The following EFNA3 variants were observed in gnomAD, a reference collection of about 807,000 sequenced individuals.
EFNA3 encodes the protein ephrin A3.
A neutral mutation model predicts 25.0 loss-of-function variants in EFNA3; 15 were observed. The observed-to-expected ratio is 0.60, with a 90% CI of 0.40 to 0.92. The LOEUF (loss-of-function observed/expected upper bound fraction) is 0.92. Among genes scored for constraint, EFNA3 ranks in the 40% least tolerant of loss-of-function variants. EFNA3 has a pLI of 0.00. For missense variants in EFNA3, 298 were observed against 323.8 expected (o/e 0.92, Z 0.61); for synonymous variants, 153 against 145.6 (o/e 1.05, Z -0.37).
rs1403320405 is a variant in EFNA3, at chr1:155,080,350, G to T, written c.128+1281G>T. 6.6e-6 allele frequency among the ~76,000 whole-genome samples: 1 copy of T among 152,046 alleles called. No individual in the cohort carries two copies. The highest frequency in any genetic ancestry group is 2.4e-5 in the African/African-American group (1 of 41,418). ...CGCGCCTCCCCCTCTCTCCCTCCTC[G>T]CGCCCGGAGTGTCAGACTGGGGGTG... On this transcript the variant is annotated intron_variant, in intron 1 of 4. Transcript: ENST00000368408. This position sits in a 1 kb window ranked among gnomAD's most constrained non-coding sequence, Gnocchi z 7.0.
chr1:155,081,276 C>G lies in EFNA3; in HGVS notation c.128+2207C>G, dbSNP rs1663338576. ...ACCTGTTCCCAATCTGGCCCAGAAA[C>G]TAGGGATGGGGGGACTGTATTGGAG... On this transcript the variant is annotated intron_variant, in intron 1 of 4. Coordinates refer to ENST00000368408, the MANE Select transcript of EFNA3 (RefSeq NM_004952.5). The surrounding 1 kb of genome is among the most constrained non-coding windows in gnomAD (Gnocchi z 5.2). Among the ~76,000 whole-genome samples, 1 of 152,216 alleles carries G rather than the reference C, an allele frequency of 6.6e-6. No homozygotes were observed. Among genetic ancestry groups the G allele is most frequent in the African/African-American group, 2.4e-5 (1 of 41,454 alleles).
Position 155,085,491 on chromosome 1 carries a change from G to T in EFNA3, c.442+87G>T, listed in dbSNP as rs950570120. 4 of 1,428,446 alleles carry T rather than the reference G, an allele frequency of 2.8e-6. No individual in the cohort carries two copies. The African/African-American group carries it at 5.8e-5, about 21-fold the overall frequency. 88.5% of individuals were successfully genotyped at this position (1,428,446 alleles called of 1,614,324 possible). A position where few individuals can be genotyped will look rare whatever the true frequency, so the allele number is the denominator to read the frequency against. ...TGGAGCCCCTAGGCTCCGGGGCGGG[G>T]CCGGCGCGGCGGGCGCCAGGTCTCG... On this transcript the variant is annotated intron_variant, in intron 2 of 4. Coordinates refer to ENST00000368408, the MANE Select transcript of EFNA3 (RefSeq NM_004952.5). The surrounding 1 kb of genome is among the most constrained non-coding windows in gnomAD (Gnocchi z 4.4).
Position 155,078,903 on chromosome 1 carries a change from G to A in EFNA3, c.-39G>A, listed in dbSNP as rs1337670354. On this transcript the variant is annotated 5_prime_UTR_variant, in exon 1 of 5. Coordinates refer to ENST00000368408, the MANE Select transcript of EFNA3 (RefSeq NM_004952.5). ...GGGAAGCGGAGAAGCCGGGAGCGCG[G>A]GGCTCAGTCGGGGGGCGGCGGCGGC... 1.5e-6 allele frequency: 2 copies of A among 1,354,348 alleles called. No homozygotes were observed. The highest frequency in any genetic ancestry group is 1.9e-6 in the Non-Finnish European group (2 of 1,055,472). 83.9% of individuals were successfully genotyped at this position (1,354,348 alleles called of 1,614,324 possible).
chr1:155,086,493 C>A lies in EFNA3; in HGVS notation c.667C>A (p.Pro223Thr), dbSNP rs200827058. 2 of 1,614,008 alleles carry A rather than the reference C, an allele frequency of 1.2e-6. No individual in the cohort carries two copies. Among genetic ancestry groups the A allele is most frequent in the African/African-American group, 2.7e-5 (2 of 74,916 alleles). Residue 223 changes from proline to threonine, a missense_variant, in exon 5 of 5, where the codon CCC (proline) becomes ACC (threonine). Physicochemically the swap from Pro to Thr is conservative, Grantham distance 38. Transcript: ENST00000368408. ...SGTSPKREHL[P>T]LAVGIAFFLM... The stretch of plus-strand genomic sequence containing the variant: ...GACCAGCCCCAAACGGGAACACCTG[C>A]CCCTGGCCGTGGGCATCGCCTTCTT...
chr1:155,084,904 C>T (rs1445826126), intron 1 of EFNA3, among the ~76,000 whole-genome samples, 187 bp from the exon 2 acceptor site: 3 of 152,324 alleles, frequency 2.0e-5, no homozygotes, highest in African/African-American at 7.2e-5. Context: ...AAGGAGGGCA[C>T]GGAAGGAGAC....
At position 155,086,609 on chromosome 1, in the gene EFNA3, C is replaced by T; in HGVS notation, c.*66C>T. The T allele has an allele frequency of 2.5e-6, 4 of 1,589,606 alleles. No homozygotes were observed. The South Asian group carries it at 3.4e-5, about 14-fold the overall frequency. On this transcript the variant is annotated 3_prime_UTR_variant, in exon 5 of 5. Coordinates refer to ENST00000368408, the MANE Select transcript of EFNA3 (RefSeq NM_004952.5). ...TTGGAAGGAGCAGGGAGCCTTTGGC[C>T]TCTCCAAGGGAAGCCTAGTGGGCCT...
intron 3 of EFNA3, 34 bp from the exon 4 acceptor site, chr1:155,086,094 C>T (rs1318140702): frequency 1.2e-6 from 2 of 1,601,026 alleles, no homozygotes; most frequent in Admixed American, 3.4e-5. Flanking sequence ...CTGACTCTCC[C>T]CTCCTCTCTC....
Position 155,085,407 on chromosome 1 carries a change from G to A in EFNA3, c.442+3G>A. Reference sequence around the variant, plus strand: ...CGGCCACGAGTACTACTACATCTGTGAGTGACGGCGGCCGGGCGGGCGGGT... The same window carrying A: ...CGGCCACGAGTACTACTACATCTGTAAGTGACGGCGGCCGGGCGGGCGGGT... On this transcript the variant is annotated splice_donor_region_variant and intron_variant, in intron 2 of 4. Coordinates refer to ENST00000368408, the MANE Select transcript of EFNA3 (RefSeq NM_004952.5). This position sits in a 1 kb window ranked among gnomAD's most constrained non-coding sequence, Gnocchi z 4.4. 6.4e-7 allele frequency: 1 copy of A among 1,571,300 alleles called. No homozygotes were observed.
rs999502993 is a variant in EFNA3 at position 155,079,952 on chromosome 1, G to A, written c.128+883G>A. Among the ~76,000 whole-genome samples the A allele has an allele frequency of 3.9e-5, 6 of 152,064 alleles. No homozygotes were observed. The highest frequency in any genetic ancestry group is 1.4e-4 in the African/African-American group (6 of 41,396). ...CCGCGGTCTGGGCGGGTGTCAGGGC[G>A]GCCGTGTGGTTTCCCGGGGTGTGTG... is the stretch of plus-strand genomic sequence containing the variant. On this transcript the variant is annotated intron_variant, in intron 1 of 4. Coordinates refer to ENST00000368408, the MANE Select transcript of EFNA3 (RefSeq NM_004952.5). The surrounding 1 kb of genome is among the most constrained non-coding windows in gnomAD (Gnocchi z 7.7).
chr1:155,086,119 A>G lies in EFNA3; in HGVS notation c.509-9A>G, dbSNP rs1415410158. On this transcript the variant is annotated splice_polypyrimidine_tract_variant and intron_variant, in intron 3 of 4. Coordinates refer to ENST00000368408, the MANE Select transcript of EFNA3 (RefSeq NM_004952.5). ...CCTCCTCTCTCCCCACCCGCACCCCACCCCGCAGCATCGCACTCCGGGGAG... is the reference window on the plus strand; with the variant it reads ...CCTCCTCTCTCCCCACCCGCACCCCGCCCCGCAGCATCGCACTCCGGGGAG... 1 of 1,087,504 alleles carries G rather than the reference A, an allele frequency of 9.2e-7. No homozygotes were observed. Among genetic ancestry groups the G allele is most frequent in the African/African-American group, 1.8e-5 (1 of 56,246 alleles). The allele number at this position is 1,087,504 out of a possible 1,614,324, so 67.4% of individuals were successfully genotyped here. A position where few individuals can be genotyped will look rare whatever the true frequency, so the allele number is the denominator to read the frequency against.
At position 155,080,066 on chromosome 1, in the gene EFNA3, G is replaced by T. The variant is rs970865803; in HGVS notation, c.128+997G>T. Among the ~76,000 whole-genome samples, 1 of 152,136 alleles carries T rather than the reference G, an allele frequency of 6.6e-6. No individual in the cohort carries two copies. On this transcript the variant is annotated intron_variant, in intron 1 of 4. Transcript: ENST00000368408. The surrounding 1 kb of genome is among the most constrained non-coding windows in gnomAD (Gnocchi z 7.0). ...GTCTTCTCCTCCCCGCCAAGCCGCC[G>T]TGTGTATCTCCCTGGCCACATCAGT...
At position 155,086,861 on chromosome 1, in the gene EFNA3, C is replaced by T. The variant is rs1184215615; in HGVS notation, c.*318C>T. 4 of 299,226 alleles carry T rather than the reference C, an allele frequency of 1.3e-5. No homozygotes were observed. Among genetic ancestry groups the T allele is most frequent in the South Asian group, 4.3e-5 (1 of 23,490 alleles). 18.5% of individuals were successfully genotyped at this position (299,226 alleles called of 1,614,324 possible). The stretch of plus-strand genomic sequence containing the variant: ...GGTACCTTTCCCTGACTCCTGGTGC[C>T]CTCTCCCTTTGTCCCCCCAGAGAGA... On this transcript the variant is annotated 3_prime_UTR_variant, in exon 5 of 5. Coordinates refer to ENST00000368408, the MANE Select transcript of EFNA3 (RefSeq NM_004952.5).
Position 155,085,846 on chromosome 1 carries a change from G to C in EFNA3, c.443-31G>C. 1 of 1,610,828 alleles carries C rather than the reference G, an allele frequency of 6.2e-7. No individual in the cohort carries two copies. The highest frequency in any genetic ancestry group is 8.5e-7 in the Non-Finnish European group (1 of 1,178,514). On this transcript the variant is annotated intron_variant, in intron 2 of 4. Transcript: ENST00000368408. This position sits in a 1 kb window ranked among gnomAD's most constrained non-coding sequence, Gnocchi z 4.4. ...GGGAGGGCACAGGCACACATTGGGCGAAAGTGACTCAGGCCCGGTCTCCTC... is the reference window on the plus strand; with the variant it reads ...GGGAGGGCACAGGCACACATTGGGCCAAAGTGACTCAGGCCCGGTCTCCTC...
At position 155,086,563 on chromosome 1, in the gene EFNA3, G is replaced by C. The variant is rs569176633; in HGVS notation, c.*20G>C. ...TCCTAGCTCTGCCCCCTCCCCTGGG[G>C]GGGGAGAGATGGGGCGGGGCTTGGA... On this transcript the variant is annotated 3_prime_UTR_variant, in exon 5 of 5. Transcript: ENST00000368408. 7.4e-6 allele frequency: 12 copies of C among 1,612,458 alleles called. No homozygotes were observed. Among genetic ancestry groups the C allele is most frequent in the Admixed American group, 1.7e-5 (1 of 59,758 alleles).
At position 155,079,080 on chromosome 1, in the gene EFNA3, G is replaced by A; in HGVS notation, c.128+11G>A. 7.6e-7 allele frequency: 1 copy of A among 1,317,700 alleles called. No individual in the cohort carries two copies. Among genetic ancestry groups the A allele is most frequent in the Non-Finnish European group, 9.7e-7 (1 of 1,025,932 alleles). 81.6% of individuals were successfully genotyped at this position (1,317,700 alleles called of 1,614,324 possible). ...CAGCTCCAACCAGCAGTGAGTCGGG[G>A]ACCCTGGGAGTCCGCGCGTCCCGTC... is the stretch of plus-strand genomic sequence containing the variant. On this transcript the variant is annotated intron_variant, in intron 1 of 4. Coordinates refer to ENST00000368408, the MANE Select transcript of EFNA3 (RefSeq NM_004952.5). This position sits in a 1 kb window ranked among gnomAD's most constrained non-coding sequence, Gnocchi z 7.7.
intron 4 of EFNA3, 22 bp from the exon 5 acceptor site, chr1:155,086,391 C>T: frequency 6.2e-7 from 1 of 1,613,040 alleles, no homozygotes. Flanking sequence ...CCTCACCAGT[C>T]TGTCTGTTCC....
chr1:155,086,157 ACT>A lies in EFNA3; in HGVS notation c.542_543del (p.Leu181ProfsTer18). On this transcript the variant is annotated frameshift_variant, in exon 4 of 5. Transcript: ENST00000368408. LOFTEE classifies it high-confidence loss of function. The part of the protein sequence containing the change: ...TSHSGEKPVP[T>X]LPQFTMGPNV... ...GCACTCCGGGGAGAAGCCGGTCCCC[ACT>A]CTCCCCCAGTTCACCATGGGCCCCA... 1 of 1,442,566 alleles carries A rather than the reference ACT, an allele frequency of 6.9e-7. No homozygotes were observed. Among genetic ancestry groups the A allele is most frequent in the Non-Finnish European group, 9.3e-7 (1 of 1,078,832 alleles). The allele number at this position is 1,442,566 out of a possible 1,614,324, so 89.4% of individuals were successfully genotyped here.
In EFNA3 at chr1:155,085,663, G is replaced by T. The variant is rs970457603; in HGVS notation, c.443-214G>T. The T allele has an allele frequency of 1.5e-6, 1 of 684,144 alleles. No homozygotes were observed. The highest frequency in any genetic ancestry group is 2.4e-6 in the Non-Finnish European group (1 of 412,888). The allele number at this position is 684,144 out of a possible 1,614,324, so 42.4% of individuals were successfully genotyped here. On this transcript the variant is annotated intron_variant, in intron 2 of 4. Transcript: ENST00000368408. This position sits in a 1 kb window ranked among gnomAD's most constrained non-coding sequence, Gnocchi z 4.4. ...TTTCTGTGAGGGACATTCCGGGGTT[G>T]GAACATCAGGGATCCCAGTTTCTTG...
rs889309798 is a variant in EFNA3 at position 155,080,966 on chromosome 1, T to C, written c.128+1897T>C. On this transcript the variant is annotated intron_variant, in intron 1 of 4. Transcript: ENST00000368408. This position sits in a 1 kb window ranked among gnomAD's most constrained non-coding sequence, Gnocchi z 7.0. ...GAGCGACGTGCTCCGGAGCCGAGAA[T>C]GGAGAGGGCCGGGGAGCTGGGGGCG... 6.6e-6 allele frequency among the ~76,000 whole-genome samples: 1 copy of C among 151,736 alleles called. No individual in the cohort carries two copies. Among genetic ancestry groups the C allele is most frequent in the Non-Finnish European group, 1.5e-5 (1 of 67,868 alleles).
Sources: allele counts gnomAD v4.1 joint callset (sites outside exome capture counted in the v4.1 genomes callset), GRCh38; gene constraint gnomAD v4.1.1; non-coding constraint Gnocchi (gnomAD v3.1); transcripts MANE v1.5; gene names NCBI Gene and HGNC (gene_info 2026-07-23, HGNC 2026-07-21).